The following WASHC5 variants were observed in gnomAD, a reference collection of about 807,000 sequenced individuals.
WASHC5 encodes the protein WASH complex subunit 5.
Under a neutral mutation model 150.4 loss-of-function variants are expected in WASHC5, and 101 were observed. The observed-to-expected ratio is 0.67, with a 90% CI of 0.57 to 0.79. The LOEUF is 0.79. WASHC5 is among the 30% of genes least tolerant of loss of function. The pLI is 0.00. For synonymous variants in WASHC5, 467 were observed against 491.2 expected, an observed-to-expected ratio of 0.95 and a Z score of 0.65; for missense variants, 1,195 against 1,396.3, an observed-to-expected ratio of 0.86 and a Z score of 2.30.
chr8:125,087,464 C>A (rs776234644), intron 1 of WASHC5, among the ~76,000 whole-genome samples: 1 of 152,148 alleles, frequency 6.6e-6, no homozygotes, highest in Non-Finnish European at 1.5e-5. Context: ...AACGGTGGCT[C>A]ACACCTGTAA....
At chr8:125,024,874 T>C (rs1432463385) in intron 28 of WASHC5, among the ~76,000 whole-genome samples, 2 of 151,800 alleles carry the variant, frequency 1.3e-5, no homozygotes, top group African/African-American at 2.4e-5. Flanking sequence ...ACTGCTAACA[T>C]TTGAGGGGAT....
rs759634625 is a variant in WASHC5 at position 125,081,653 on chromosome 8, A to T, written c.518+8T>A. 2.4e-5 allele frequency: 37 copies of T among 1,550,266 alleles called. No homozygotes were observed. Among genetic ancestry groups the T allele is most frequent in the Non-Finnish European group, 3.3e-5 (37 of 1,122,998 alleles). On this transcript the variant is annotated splice_region_variant and intron_variant, in intron 5 of 28. Coordinates refer to ENST00000318410, the MANE Select transcript of WASHC5 (RefSeq NM_014846.4). ...CGTTTCGGAAGTGTAGTCCTAGCCC[A>T]GGAATACCTGTATCGGTAGTAAGAA...
intron 9 of WASHC5, among the ~76,000 whole-genome samples, chr8:125,069,248 T>G (rs1816834305): frequency 1.3e-5 from 2 of 152,226 alleles, no homozygotes; most frequent in African/African-American, 4.8e-5. Flanking sequence ...TGGCATATAT[T>G]GACCCTTGCT....
intron 28 of WASHC5, among the ~76,000 whole-genome samples, chr8:125,025,833 G>GAC (rs34050035): frequency 0.2 from 30,106 of 148,024 alleles, 3,153 homozygotes; most frequent in Middle Eastern, 0.35. Flanking sequence ...TATGCAGACA[G>GAC]ACACACACAC....
At chr8:125,041,330 C>CT (rs1815879259) in intron 23 of WASHC5, among the ~76,000 whole-genome samples, 1 of 152,148 alleles carries the variant, frequency 6.6e-6, no homozygotes, top group Non-Finnish European at 1.5e-5. Flanking sequence ...TGCATTTCCT[C>CT]TGAGTTGCTG....
chr8:125,029,222 G>A (rs533750354), intron 27 of WASHC5, among the ~76,000 whole-genome samples: 66 of 152,176 alleles, frequency 4.3e-4, no homozygotes, highest in African/African-American at 1.6e-3. Flanking sequence ...TAGTAGAGAC[G>A]GGGTTTCACC....
intron 21 of WASHC5, 50 bp downstream of exon 21, chr8:125,044,486 G>A (rs1488897990): frequency 1.9e-5 from 30 of 1,599,222 alleles, no homozygotes; most frequent in Non-Finnish European, 2.6e-5. Context: ...ATATGTTCTT[G>A]CCTCTCCCCC....
intron 1 of WASHC5, among the ~76,000 whole-genome samples, chr8:125,084,385 A>G (rs1189341346): frequency 6.6e-6 from 1 of 152,230 alleles, no homozygotes; most frequent in Non-Finnish European, 1.5e-5. Context: ...AAACGCTATA[A>G]AGAGAGCTCA....
Position 125,059,315 on chromosome 8 carries a change from A to G in WASHC5, c.1689-18T>C. On this transcript the variant is annotated intron_variant, in intron 13 of 28. Transcript: ENST00000318410. ...ATGTGAAACTGTAAAAAGAAAAGAA[A>G]CGGTAAGAAGATGTTCCTAGGGCCT... The G allele has an allele frequency of 6.2e-7, 1 of 1,613,816 alleles. No individual in the cohort carries two copies. Among genetic ancestry groups the G allele is most frequent in the Non-Finnish European group, 8.5e-7 (1 of 1,179,726 alleles).
At chr8:125,034,406 C>T (rs1815635338) in intron 26 of WASHC5, among the ~76,000 whole-genome samples, 2 of 151,810 alleles carry the variant, frequency 1.3e-5, no homozygotes, top group South Asian at 2.1e-4. Flanking sequence ...CTCAGGTGGC[C>T]GAGGCAGAAC....
intron 25 of WASHC5, among the ~76,000 whole-genome samples, chr8:125,038,459 T>C (rs1815782158): frequency 2.0e-5 from 3 of 152,190 alleles, no homozygotes; most frequent in Admixed American, 1.3e-4. Flanking sequence ...GCTTCTATGA[T>C]GAGTGGGATT....
intron 15 of WASHC5, among the ~76,000 whole-genome samples, chr8:125,057,109 C>T (rs565297053): frequency 6.6e-6 from 1 of 152,266 alleles, no homozygotes; most frequent in African/African-American, 2.4e-5. Context: ...AGAGGACTGG[C>T]TAGAATGCGA....
intron 17 of WASHC5, among the ~76,000 whole-genome samples, chr8:125,051,188 G>A (rs1017919449): frequency 2.0e-5 from 3 of 152,130 alleles, no homozygotes; most frequent in South Asian, 4.1e-4. Flanking sequence ...GAATTAGGGA[G>A]ATAAAATAAG....
chr8:125,059,189 T>A, intron 14 of WASHC5, 33 bp downstream of exon 14: 1 of 1,513,358 alleles, frequency 6.6e-7, no homozygotes, highest in Non-Finnish European at 9.2e-7. Flanking sequence ...AACTCTTTCC[T>A]AGCAACAGAG....
At chr8:125,038,412 G>A (rs968476629) in intron 25 of WASHC5, among the ~76,000 whole-genome samples, 1 of 152,162 alleles carries the variant, frequency 6.6e-6, no homozygotes, top group Non-Finnish European at 1.5e-5. Flanking sequence ...AGTTCTTAGA[G>A]GTTTTCTGAG....
chr8:125,081,587 T>C (rs2130207315), intron 5 of WASHC5, 74 bp downstream of exon 5: 1 of 850,378 alleles, frequency 1.2e-6, no homozygotes, highest in East Asian at 2.4e-5. Flanking sequence ...GTTCACAGTA[T>C]AAGGAATATG....
At chr8:125,042,633 T>C (rs1815926094) in intron 23 of WASHC5, among the ~76,000 whole-genome samples, 1 of 152,162 alleles carries the variant, frequency 6.6e-6, no homozygotes, top group Non-Finnish European at 1.5e-5. Flanking sequence ...CTTGGAAGAA[T>C]CCCTGTAATC....
intron 1 of WASHC5, among the ~76,000 whole-genome samples, chr8:125,089,409 CA>C (rs1240518282): frequency 2.0e-5 from 3 of 151,998 alleles, no homozygotes; most frequent in Non-Finnish European, 4.4e-5. Context: ...AAAAAAATCG[CA>C]AAAAAATCTC....
At chr8:125,079,116 G>GTATATATATATATATATACA in intron 5 of WASHC5, among the ~76,000 whole-genome samples, 186 bp from the exon 6 acceptor site, 2 of 97,912 alleles carry the variant, frequency 2.0e-5, no homozygotes, top group South Asian at 7.2e-4. Context: ...GTGTGTGTGT[G>GTATATATATATATATATACA]TATATATATA....
Sources: allele counts gnomAD v4.1 joint callset (sites outside exome capture counted in the v4.1 genomes callset), GRCh38; gene constraint gnomAD v4.1.1; transcripts MANE v1.5; gene names NCBI Gene and HGNC (gene_info 2026-07-23, HGNC 2026-07-21).